The following CHODL variants were observed in gnomAD, a reference collection of about 807,000 sequenced individuals.
CHODL encodes the protein transmembrane protein MT75.
Under a neutral mutation model 34.5 loss-of-function variants are expected in CHODL, and 29 were observed. The observed-to-expected ratio is 0.84, with a 90% CI of 0.63 to 1.15. The LOEUF (loss-of-function observed/expected upper bound fraction) is 1.15, where lower values mean the gene tolerates loss of function less well. Ranked by LOEUF, CHODL falls within the 50% of genes most tolerant of loss-of-function variation. The pLI is 0.00. For synonymous variants in CHODL, 125 were observed against 116.1 expected, an observed-to-expected ratio of 1.08 and a Z score of -0.49; for missense variants, 332 against 332.5, an observed-to-expected ratio of 1.00 and a Z score of 0.01.
At chr21:17,946,146 G>A (rs746646910) in intron 1 of CHODL, among the ~76,000 whole-genome samples, 3 of 152,144 alleles carry the variant, frequency 2.0e-5, no homozygotes, top group Non-Finnish European at 4.4e-5. Context: ...GGTTGGGCGC[G>A]GTGGCTCACG....
intron 2 of CHODL, among the ~76,000 whole-genome samples, chr21:18,211,633 C>A (rs762310865): frequency 2.6e-4 from 40 of 152,214 alleles, no homozygotes; most frequent in Non-Finnish European, 5.7e-4. Context: ...CCATTACTAT[C>A]TTTCACATTT....
At chr21:17,953,815 G>A (rs963104401) in intron 1 of CHODL, among the ~76,000 whole-genome samples, 3 of 152,046 alleles carry the variant, frequency 2.0e-5, no homozygotes, top group African/African-American at 7.2e-5. Flanking sequence ...TCCAAGACCA[G>A]CCTGACCAAC....
chr21:17,986,526 A>G (rs907724508), intron 1 of CHODL, among the ~76,000 whole-genome samples: 3 of 152,188 alleles, frequency 2.0e-5, no homozygotes, highest in African/African-American at 7.2e-5. Flanking sequence ...AGTATTCCAC[A>G]GCATATACAT....
chr21:18,227,822 C>A (rs1470454651), intron 2 of CHODL, among the ~76,000 whole-genome samples: 1 of 152,092 alleles, frequency 6.6e-6, no homozygotes, highest in Non-Finnish European at 1.5e-5. Context: ...CTCTGCAATA[C>A]TTTGTTGGGA....
chr21:18,174,780 T>C (rs781360612), intron 2 of CHODL, among the ~76,000 whole-genome samples: 1 of 152,172 alleles, frequency 6.6e-6, no homozygotes, highest in Non-Finnish European at 1.5e-5. Context: ...GCCACAGATG[T>C]AGTTCTGAGG....
intron 2 of CHODL, among the ~76,000 whole-genome samples, chr21:18,056,895 A>G (rs189800183): frequency 3.5e-4 from 53 of 151,730 alleles, no homozygotes; most frequent in African/African-American, 1.2e-3. Context: ...CCTGTTTGTT[A>G]GTTTTGTTTC....
At chr21:18,206,706 G>A (rs1371444178) in intron 2 of CHODL, among the ~76,000 whole-genome samples, 2 of 149,074 alleles carry the variant, frequency 1.3e-5, no homozygotes, top group Non-Finnish European at 3.0e-5. Flanking sequence ...TTTGTTTTCT[G>A]GTTGTTTTGT....
intron 2 of CHODL, among the ~76,000 whole-genome samples, chr21:18,120,705 G>A (rs1417537784): frequency 6.6e-6 from 1 of 151,850 alleles, no homozygotes; most frequent in Non-Finnish European, 1.5e-5. Context: ...GCTGTCCATA[G>A]CTAATTTTGT....
intron 2 of CHODL, among the ~76,000 whole-genome samples, chr21:18,206,479 T>C (rs2073713030): frequency 6.6e-6 from 1 of 152,168 alleles, no homozygotes; most frequent in African/African-American, 2.4e-5. Context: ...GGTTTCCACT[T>C]GTGTGAAATA....
chr21:18,186,997 T>A (rs528954830), intron 2 of CHODL, among the ~76,000 whole-genome samples: 1 of 152,300 alleles, frequency 6.6e-6, no homozygotes, highest in African/African-American at 2.4e-5. Flanking sequence ...TTTCAATCTG[T>A]TGAAAACAAT....
chr21:17,990,059 C>A (rs2063784873), intron 1 of CHODL, among the ~76,000 whole-genome samples: 1 of 152,144 alleles, frequency 6.6e-6, no homozygotes, highest in South Asian at 2.1e-4. Context: ...GTATATAGGA[C>A]TTTGAAAAGT....
At chr21:17,987,844 T>C (rs2063765832) in intron 1 of CHODL, among the ~76,000 whole-genome samples, 1 of 152,164 alleles carries the variant, frequency 6.6e-6, no homozygotes, top group Non-Finnish European at 1.5e-5. Flanking sequence ...CTATGTCTAT[T>C]ATGTATTTAA....
At position 18,261,344 on chromosome 21, in the gene CHODL, A is replaced by G. The variant is rs369778592; in HGVS notation, c.634+1058A>G. On this transcript the variant is annotated intron_variant, in intron 4 of 5. Transcript: ENST00000299295. ...CCTGCACAATGTGCACATGTACACT[A>G]AAACTTAAAGTATGATAAAAAAAAA... Among the ~76,000 whole-genome samples, 27 of 149,956 alleles carry G rather than the reference A, an allele frequency of 1.8e-4. 2 individuals are homozygous for G. Among genetic ancestry groups the G allele is most frequent in the Admixed American group, 1.3e-3 (19 of 15,086 alleles).
intron 2 of CHODL, among the ~76,000 whole-genome samples, chr21:18,228,817 A>G (rs2073954107): frequency 6.6e-6 from 1 of 152,190 alleles, no homozygotes; most frequent in Admixed American, 6.5e-5. Context: ...GAGATAAAAT[A>G]TATAGTGGAA....
chr21:17,926,700 G>A (rs557603230), intron 1 of CHODL, among the ~76,000 whole-genome samples: 24 of 152,166 alleles, frequency 1.6e-4, no homozygotes, highest in African/African-American at 5.8e-4. Flanking sequence ...ACCTGGTCCC[G>A]CCCTTGACAC....
intron 1 of CHODL, among the ~76,000 whole-genome samples, chr21:18,018,807 G>T (rs1448152830): frequency 6.6e-6 from 1 of 152,214 alleles, no homozygotes; most frequent in Non-Finnish European, 1.5e-5. Flanking sequence ...TCCTACACGT[G>T]TGCTCCTTGT....
At chr21:18,138,431 C>A (rs912960975) in intron 2 of CHODL, among the ~76,000 whole-genome samples, 2 of 152,170 alleles carry the variant, frequency 1.3e-5, no homozygotes, top group African/African-American at 4.8e-5. Context: ...AATTCCTACT[C>A]ACCTCCTGTT....
At chr21:18,107,187 A>G (rs932273993) in intron 2 of CHODL, among the ~76,000 whole-genome samples, 4 of 152,198 alleles carry the variant, frequency 2.6e-5, no homozygotes, top group African/African-American at 9.6e-5. Flanking sequence ...GGGATCAGAT[A>G]TGAAGTTTGA....
intron 2 of CHODL, among the ~76,000 whole-genome samples, chr21:18,198,274 G>C (rs2073611614): frequency 6.6e-6 from 1 of 152,050 alleles, no homozygotes; most frequent in South Asian, 2.1e-4. Context: ...GAAATCAACA[G>C]CAAGATTATA....
Sources: gnomAD v4.1 joint callset for allele counts (sites outside exome capture counted in the v4.1 genomes callset) on GRCh38, gnomAD v4.1.1 for gene constraint, MANE v1.5 for transcripts, NCBI Gene and HGNC (gene_info 2026-07-23, HGNC 2026-07-21) for gene names.